IBTK: variants seen among roughly 807,000 people sequenced by gnomAD.
The protein encoded by IBTK is BTK-binding protein.
A neutral mutation model predicts 154.9 loss-of-function variants in IBTK; 83 were observed. The observed-to-expected ratio is 0.54, with a 90% CI of 0.45 to 0.64. The LOEUF (loss-of-function observed/expected upper bound fraction) is 0.64. Ranked by LOEUF, IBTK falls within the 30% of genes least tolerant of loss-of-function variation. The probability of loss-of-function intolerance (pLI) is 0.00; values close to 1 mark genes in which losing one functional copy is unlikely to be tolerated. For missense variants in IBTK, 1,332 were observed against 1,584.6 expected (o/e 0.84, Z 2.71); for synonymous variants, 515 against 536.1 (o/e 0.96, Z 0.54).
intron 16 of IBTK, among the ~76,000 whole-genome samples, chr6:82,206,667 C>G (rs1028563871): frequency 6.6e-6 from 1 of 152,034 alleles, no homozygotes; most frequent in Non-Finnish European, 1.5e-5. Flanking sequence ...ACCAATATCC[C>G]TTACAATTAA....
In IBTK at chr6:82,211,351, T is replaced by C; in HGVS notation, c.2412+16A>G. ...AACATAGTTACCAACCTAGGCGCTT[T>C]TTACTTAAATCTTACCTCAATCCAT... On this transcript the variant is annotated intron_variant, in intron 15 of 28. Coordinates refer to ENST00000306270, the MANE Select transcript of IBTK (RefSeq NM_015525.4). 6.3e-7 allele frequency: 1 copy of C among 1,585,356 alleles called. No individual in the cohort carries two copies. Among genetic ancestry groups the C allele is most frequent in the Non-Finnish European group, 8.5e-7 (1 of 1,170,464 alleles).
At chr6:82,172,275 A>C in intron 28 of IBTK, 105 bp downstream of exon 28, 10 of 1,110,076 alleles carry the variant, frequency 9.0e-6, no homozygotes, top group Non-Finnish European at 1.3e-5. Flanking sequence ...TTTTAATTTC[A>C]TAGATACAAG....
intron 4 of IBTK, among the ~76,000 whole-genome samples, chr6:82,230,979 C>T (rs1302127444): frequency 2.0e-5 from 3 of 152,050 alleles, no homozygotes; most frequent in Non-Finnish European, 4.4e-5. Flanking sequence ...ATTTTTGAAC[C>T]CCACACTTCC....
At chr6:82,191,342 T>C (rs1768761554) in intron 24 of IBTK, 126 bp from the exon 25 acceptor site, 1 of 727,178 alleles carries the variant, frequency 1.4e-6, no homozygotes, top group Non-Finnish European at 2.2e-6. Context: ...CTGGTAATAA[T>C]AATGTTTTCT....
At position 82,218,024 on chromosome 6, in the gene IBTK, C is replaced by A. The variant is rs148884674; in HGVS notation, c.1362G>T (p.Thr454=). ...ALNRNEILFV[T]QDGEGFRGRW... ...TCCCTCTAAATCCTTCTCCATCTTGCGTAACAAATAGAATTTCATTTCTAT... is the reference window on the plus strand; with the variant it reads ...TCCCTCTAAATCCTTCTCCATCTTGAGTAACAAATAGAATTTCATTTCTAT... Residue 454 remains threonine (T), a synonymous_variant, in exon 10 of 29, where the codon ACG becomes ACT. Transcript: ENST00000306270. 10 of 1,611,844 alleles carry A rather than the reference C, an allele frequency of 6.2e-6. No individual in the cohort carries two copies. Among genetic ancestry groups the A allele is most frequent in the African/African-American group, 2.7e-5 (2 of 74,794 alleles).
At position 82,242,566 on chromosome 6, in the gene IBTK, T is replaced by C. The variant is rs571576646; in HGVS notation, c.-357-1723A>G. Among the ~76,000 whole-genome samples, 36 of 152,284 alleles carry C rather than the reference T, an allele frequency of 2.4e-4. 1 individual carries two copies. The South Asian group carries it at 7.5e-3, about 32-fold the overall frequency. ...TCTGTTCTACTAATACATTCTGTAA[T>C]TTGATATAGTCCTCATAAAAATCAT... On this transcript the variant is annotated intron_variant, in intron 1 of 28. Coordinates refer to ENST00000306270, the MANE Select transcript of IBTK (RefSeq NM_015525.4).
At position 82,240,674 on chromosome 6, in the gene IBTK, A is replaced by G. The variant is rs1770910078; in HGVS notation, c.-188T>C. On this transcript the variant is annotated 5_prime_UTR_variant, in exon 2 of 29. Transcript: ENST00000306270. ...TACAATTTTTTGGCACTTAAATCAA[A>G]AAAATTATAAATAGCTCTATAAAGT... is the stretch of plus-strand genomic sequence containing the variant. 3.8e-6 allele frequency: 2 copies of G among 526,412 alleles called. No homozygotes were observed. The highest frequency in any genetic ancestry group is 7.2e-5 in the Admixed American group (2 of 27,632). The allele number at this position is 526,412 out of a possible 1,614,324, so 32.6% of individuals were successfully genotyped here.
intron 26 of IBTK, among the ~76,000 whole-genome samples, chr6:82,173,995 G>A (rs937664787): frequency 3.3e-5 from 5 of 152,030 alleles, no homozygotes; most frequent in Non-Finnish European, 7.4e-5. Context: ...TAAAAAAGAG[G>A]TATATGATGA....
intron 23 of IBTK, among the ~76,000 whole-genome samples, chr6:82,193,742 C>T (rs1042519780): frequency 1.3e-5 from 2 of 151,982 alleles, no homozygotes; most frequent in Admixed American, 6.6e-5. Flanking sequence ...AGTGCAGTGG[C>T]GCGATCTGGG....
At chr6:82,196,824 C>A (rs749193460) in intron 21 of IBTK, among the ~76,000 whole-genome samples, 3 of 152,184 alleles carry the variant, frequency 2.0e-5, no homozygotes, top group African/African-American at 2.4e-5. Flanking sequence ...TCTCATCTGT[C>A]TCTTGGTACA....
chr6:82,237,696 C>T (rs1299430158), intron 2 of IBTK, among the ~76,000 whole-genome samples: 4 of 120,670 alleles, frequency 3.3e-5, no homozygotes, highest in Non-Finnish European at 7.0e-5. Context: ...GTAGTAGTAG[C>T]AGTAATAGTA....
At chr6:82,205,069 T>C (rs566572758) in intron 16 of IBTK, 111 bp from the exon 17 acceptor site, 3 of 464,306 alleles carry the variant, frequency 6.5e-6, no homozygotes, top group Non-Finnish European at 1.1e-5. Context: ...AAAAAAAAAA[T>C]TTGAAGTAAT....
rs1450551218 is a variant in IBTK at position 82,240,677 on chromosome 6, A to T, written c.-191T>A. 1.9e-6 allele frequency: 1 copy of T among 526,756 alleles called. No individual in the cohort carries two copies. The highest frequency in any genetic ancestry group is 1.9e-5 in the African/African-American group (1 of 52,150). The allele number at this position is 526,756 out of a possible 1,614,324, so 32.6% of individuals were successfully genotyped here. A position where few individuals can be genotyped will look rare whatever the true frequency, so the allele number is the denominator to read the frequency against. On this transcript the variant is annotated 5_prime_UTR_variant, in exon 2 of 29. Transcript: ENST00000306270. ...AATTTTTTGGCACTTAAATCAAAAA[A>T]ATTATAAATAGCTCTATAAAGTTCA... is the stretch of plus-strand genomic sequence containing the variant.
At chr6:82,207,849 T>C (rs948725934) in intron 16 of IBTK, among the ~76,000 whole-genome samples, 1 of 152,086 alleles carries the variant, frequency 6.6e-6, no homozygotes, top group Non-Finnish European at 1.5e-5. Flanking sequence ...TTTCAACAAA[T>C]GGTACTCAAA....
In IBTK at chr6:82,229,525, G is replaced by A. The variant is rs75261652; in HGVS notation, c.543+2193C>T. Among the ~76,000 whole-genome samples, 33 of 152,164 alleles carry A rather than the reference G, an allele frequency of 2.2e-4. No homozygotes were observed. The East Asian group carries it at 6.0e-3, about 28-fold the overall frequency. ...GCCACAATTCCAATCAATCATTAGT[G>A]GCTGCTAATGGTTGGATTATCATTT... is the stretch of plus-strand genomic sequence containing the variant. On this transcript the variant is annotated intron_variant, in intron 4 of 28. Transcript: ENST00000306270.
chr6:82,243,947 G>T (rs977849780), intron 1 of IBTK, among the ~76,000 whole-genome samples: 1 of 152,160 alleles, frequency 6.6e-6, no homozygotes, highest in Non-Finnish European at 1.5e-5. Flanking sequence ...TATAGAGAAA[G>T]CGGCACCTAC....
At chr6:82,226,676 G>A (rs571221317) in intron 5 of IBTK, among the ~76,000 whole-genome samples, 2 of 150,558 alleles carry the variant, frequency 1.3e-5, no homozygotes, top group Non-Finnish European at 2.9e-5. Flanking sequence ...GCACAATCTC[G>A]GCTCACCGCA....
Position 82,240,532 on chromosome 6 carries a change from T to A in IBTK, c.-46A>T. ...TTACTTCAGAATCGTGAAAACTAAT[T>A]TTAAAAAATGAAAAAGCCAGGACAC... On this transcript the variant is annotated 5_prime_UTR_variant, in exon 2 of 29. Transcript: ENST00000306270. 1 of 1,519,728 alleles carries A rather than the reference T, an allele frequency of 6.6e-7. No homozygotes were observed. The highest frequency in any genetic ancestry group is 2.0e-5 in the Admixed American group (1 of 51,032). The allele number at this position is 1,519,728 out of a possible 1,614,324, so 94.1% of individuals were successfully genotyped here. A position where few individuals can be genotyped will look rare whatever the true frequency, so the allele number is the denominator to read the frequency against.
intron 21 of IBTK, among the ~76,000 whole-genome samples, chr6:82,197,032 G>C (rs1769014207): frequency 6.6e-6 from 1 of 152,166 alleles, no homozygotes; most frequent in South Asian, 2.1e-4. Context: ...GGGTTGTTGT[G>C]AAATGTATAT....
Sources: allele counts gnomAD v4.1 joint callset (sites outside exome capture counted in the v4.1 genomes callset), GRCh38; gene constraint gnomAD v4.1.1; transcripts MANE v1.5; gene names NCBI Gene and HGNC (gene_info 2026-07-23, HGNC 2026-07-21).